The following MAPK1IP1L variants were observed in gnomAD, a reference collection of about 807,000 sequenced individuals.
MAPK1IP1L encodes the protein mitogen-activated protein kinase 1 interacting protein 1 like.
MAPK1IP1L carries 10 observed loss-of-function variants against 18.1 expected under a neutral mutation model. That is an observed-to-expected ratio of 0.55 (90% CI 0.34 to 0.94). MAPK1IP1L has a LOEUF of 0.94. MAPK1IP1L is among the 40% of genes least tolerant of loss of function. The probability of loss-of-function intolerance (pLI) is 0.02; values close to 1 mark genes in which losing one functional copy is unlikely to be tolerated. For synonymous variants in MAPK1IP1L, 115 were observed against 117.3 expected, an observed-to-expected ratio of 0.98 and a Z score of 0.13; for missense variants, 260 against 318.2, an observed-to-expected ratio of 0.82 and a Z score of 1.39.
intron 1 of MAPK1IP1L, among the ~76,000 whole-genome samples, chr14:55,060,154 ATTTTTTTTTTTTTTTTTTT>A (rs71131248): frequency 4.7e-5 from 3 of 63,892 alleles, no homozygotes; most frequent in African/African-American, 6.4e-5. Flanking sequence ...TTTTGGAGAA[ATTTTTTTTTTTTTTTTTTT>A]TTTTTTTTTT....
intron 1 of MAPK1IP1L, among the ~76,000 whole-genome samples, chr14:55,053,374 C>G (rs1300455182): frequency 6.6e-6 from 1 of 152,188 alleles, no homozygotes; most frequent in Non-Finnish European, 1.5e-5. Flanking sequence ...TACCTATAAG[C>G]TAGATGTCCA....
rs1183687945 is a variant in MAPK1IP1L, at chr14:55,070,056, T to C, written c.*5429T>C. On this transcript the variant is annotated 3_prime_UTR_variant, in exon 4 of 4. Coordinates refer to ENST00000395468, the MANE Select transcript of MAPK1IP1L (RefSeq NM_144578.4). Reference sequence around the variant, plus strand: ...GCTACTTTTGGAAGGAATTTCTGCTTTTTGCCTTATGATTGGACAAAATGC... The same window carrying C: ...GCTACTTTTGGAAGGAATTTCTGCTCTTTGCCTTATGATTGGACAAAATGC... The C allele has an allele frequency of 6.6e-6, 1 of 152,230 alleles. No homozygotes were observed. Among genetic ancestry groups the C allele is most frequent in the Non-Finnish European group, 1.5e-5 (1 of 68,040 alleles). The allele number at this position is 152,230 out of a possible 1,614,324, so 9.4% of individuals were successfully genotyped here. A position where few individuals can be genotyped will look rare whatever the true frequency, so the allele number is the denominator to read the frequency against.
In MAPK1IP1L at chr14:55,069,837, G is replaced by C. The variant is rs1229440132; in HGVS notation, c.*5210G>C. 1.3e-5 allele frequency: 2 copies of C among 152,134 alleles called. No homozygotes were observed. The highest frequency in any genetic ancestry group is 2.9e-5 in the Non-Finnish European group (2 of 68,034). 9.4% of individuals were successfully genotyped at this position (152,134 alleles called of 1,614,324 possible). ...AATATGAAGTCAGGGAACTTTCTCTGTCTGTCCCTACTCCCCTCACTCCCC... is the reference window on the plus strand; with the variant it reads ...AATATGAAGTCAGGGAACTTTCTCTCTCTGTCCCTACTCCCCTCACTCCCC... On this transcript the variant is annotated 3_prime_UTR_variant, in exon 4 of 4. Coordinates refer to ENST00000395468, the MANE Select transcript of MAPK1IP1L (RefSeq NM_144578.4).
At chr14:55,059,055 A>T (rs970409736) in intron 1 of MAPK1IP1L, among the ~76,000 whole-genome samples, 3 of 151,880 alleles carry the variant, frequency 2.0e-5, no homozygotes, top group Non-Finnish European at 4.4e-5. Flanking sequence ...AATCTCCCTC[A>T]GGTACCGAGG....
rs1019643529 is a variant in MAPK1IP1L, at chr14:55,051,708, AG to A, written c.-99del. 2 of 516,214 alleles carry A rather than the reference AG, an allele frequency of 3.9e-6. No individual in the cohort carries two copies. The highest frequency in any genetic ancestry group is 3.9e-5 in the African/African-American group (2 of 51,558). The allele number at this position is 516,214 out of a possible 1,614,324, so 32.0% of individuals were successfully genotyped here. A position where few individuals can be genotyped will look rare whatever the true frequency, so the allele number is the denominator to read the frequency against. ...CTGGTGCTGTTGCCGCCGCTGCTCT[AG>A]CTGCCGTCAGTCAGGCTGCGCCCGC... On this transcript the variant is annotated 5_prime_UTR_variant, in exon 1 of 4. Coordinates refer to ENST00000395468, the MANE Select transcript of MAPK1IP1L (RefSeq NM_144578.4).
Position 55,069,835 on chromosome 14 carries a change from CTG to C in MAPK1IP1L, c.*5210_*5211del, listed in dbSNP as rs2140265750. 1 of 152,174 alleles carries C rather than the reference CTG, an allele frequency of 6.6e-6. No individual in the cohort carries two copies. Among genetic ancestry groups the C allele is most frequent in the South Asian group, 2.1e-4 (1 of 4,826 alleles). The allele number at this position is 152,174 out of a possible 1,614,324, so 9.4% of individuals were successfully genotyped here. A position where few individuals can be genotyped will look rare whatever the true frequency, so the allele number is the denominator to read the frequency against. On this transcript the variant is annotated 3_prime_UTR_variant, in exon 4 of 4. Transcript: ENST00000395468. ...ATAATATGAAGTCAGGGAACTTTCT[CTG>C]TCTGTCCCTACTCCCCTCACTCCCC... is the stretch of plus-strand genomic sequence containing the variant.
At chr14:55,060,053 A>G (rs1385374513) in intron 1 of MAPK1IP1L, among the ~76,000 whole-genome samples, 3 of 151,762 alleles carry the variant, frequency 2.0e-5, no homozygotes, top group Non-Finnish European at 2.9e-5. Context: ...GAAGCCACGT[A>G]TAGGAAAACA....
chr14:55,064,457 T>C (rs1315820678), intron 3 of MAPK1IP1L, among the ~76,000 whole-genome samples, 159 bp from the exon 4 acceptor site: 1 of 152,188 alleles, frequency 6.6e-6, no homozygotes, highest in Non-Finnish European at 1.5e-5. Context: ...CTATATATAT[T>C]ATCTAAAAAT....
chr14:55,062,679 C>G lies in MAPK1IP1L; in HGVS notation c.80C>G (p.Pro27Arg), dbSNP rs1566763905. ...AKTSAVSNTK[P>R]GQPPQGWPGS... ...ACCTCTGCTGTGAGCAATACAAAAC[C>G]TGGCCAACCTCCTCAAGGCTGGCCA... Residue 27 changes from proline (P) to arginine (R), a missense_variant, in exon 3 of 4, where the codon CCT becomes CGT. Coordinates refer to ENST00000395468, the MANE Select transcript of MAPK1IP1L (RefSeq NM_144578.4). 6.2e-7 allele frequency: 1 copy of G among 1,614,140 alleles called. No individual in the cohort carries two copies. Among genetic ancestry groups the G allele is most frequent in the Non-Finnish European group, 8.5e-7 (1 of 1,180,018 alleles).
intron 1 of MAPK1IP1L, among the ~76,000 whole-genome samples, chr14:55,052,874 C>T (rs1465694200): frequency 3.3e-5 from 5 of 152,202 alleles, no homozygotes; most frequent in African/African-American, 9.7e-5. Context: ...TCCCCAGTCT[C>T]TTAACTGAAA....
chr14:55,058,320 C>G (rs941849098), intron 1 of MAPK1IP1L, among the ~76,000 whole-genome samples: 1 of 152,152 alleles, frequency 6.6e-6, no homozygotes. Flanking sequence ...AAACGTCTTT[C>G]GAGGACCTGC....
At position 55,062,948 on chromosome 14, in the gene MAPK1IP1L, C is replaced by A. The variant is rs1267873584; in HGVS notation, c.349C>A (p.Pro117Thr). ...VPGPGPTGPY[P>T]TPNMPFPELP... ...GGGCCCTGGCCCCACAGGGCCATAT[C>A]CTACACCAAATATGCCCTTTCCAGA... Residue 117 changes from proline to threonine, a missense_variant, in exon 3 of 4, where the codon CCT becomes ACT. Pro to Thr is a conservative substitution (Grantham distance 38). Coordinates refer to ENST00000395468, the MANE Select transcript of MAPK1IP1L (RefSeq NM_144578.4). 3 of 1,613,612 alleles carry A rather than the reference C, an allele frequency of 1.9e-6. No homozygotes were observed. The highest frequency in any genetic ancestry group is 2.7e-5 in the African/African-American group (2 of 74,920).
intron 3 of MAPK1IP1L, 116 bp downstream of exon 3, chr14:55,063,441 G>T (rs1481719058): frequency 1.2e-6 from 1 of 850,392 alleles, no homozygotes; most frequent in Non-Finnish European, 1.8e-6. Context: ...AAAAGAGGGT[G>T]TGTGTATATT....
rs751185312 is a variant in MAPK1IP1L, at chr14:55,051,772, C to T, written c.-36C>T. On this transcript the variant is annotated 5_prime_UTR_variant, in exon 1 of 4. Coordinates refer to ENST00000395468, the MANE Select transcript of MAPK1IP1L (RefSeq NM_144578.4). ...CAGTCCCTCGGACCCATCGCCGCTT[C>T]TAGACCCTACTGCGGTCTCGGATAT... The T allele has an allele frequency of 1.4e-5, 7 of 509,662 alleles. No homozygotes were observed. Among genetic ancestry groups the T allele is most frequent in the Non-Finnish European group, 1.9e-5 (5 of 256,628 alleles). 31.6% of individuals were successfully genotyped at this position (509,662 alleles called of 1,614,324 possible).
intron 1 of MAPK1IP1L, among the ~76,000 whole-genome samples, chr14:55,058,697 C>T (rs1213299157): frequency 6.6e-6 from 1 of 151,824 alleles, no homozygotes; most frequent in African/African-American, 2.4e-5. Flanking sequence ...CCGGGCATGG[C>T]GGCGCTTGCC....
chr14:55,061,649 C>G, intron 1 of MAPK1IP1L, 31 bp from the exon 2 acceptor site: 5 of 1,491,550 alleles, frequency 3.4e-6, no homozygotes, highest in South Asian at 1.2e-5. Context: ...TGAAATTTTT[C>G]TTTCTTCCTT....
intron 3 of MAPK1IP1L, 49 bp downstream of exon 3, chr14:55,063,374 A>G (rs756562384): frequency 1.0e-5 from 15 of 1,451,504 alleles, no homozygotes; most frequent in Middle Eastern, 3.6e-4. Flanking sequence ...ACATAGCACA[A>G]CTGACATTGT....
At chr14:55,055,689 G>A (rs1390318844) in intron 1 of MAPK1IP1L, among the ~76,000 whole-genome samples, 1 of 152,150 alleles carries the variant, frequency 6.6e-6, no homozygotes, top group Non-Finnish European at 1.5e-5. Context: ...CCAGCACTTT[G>A]GGAGACTGAG....
At chr14:55,051,855 G>A in intron 1 of MAPK1IP1L, 52 bp downstream of exon 1, 1 of 437,370 alleles carries the variant, frequency 2.3e-6, no homozygotes, top group South Asian at 1.6e-5. Flanking sequence ...CGGGGAGCTG[G>A]GGTTGCGGAG....
Sources: allele counts gnomAD v4.1 joint callset (sites outside exome capture counted in the v4.1 genomes callset), GRCh38; gene constraint gnomAD v4.1.1; transcripts MANE v1.5; gene names NCBI Gene and HGNC (gene_info 2026-07-23, HGNC 2026-07-21).